Variants in GLS observed in about 807,000 individuals in gnomAD.
GLS encodes glutaminase kidney isoform, mitochondrial.
In GLS, 36 loss-of-function variants were observed where a neutral mutation model predicts 86.7. The observed-to-expected ratio is 0.42, with a 90% CI of 0.32 to 0.55. GLS has a LOEUF of 0.55. Among genes scored for constraint, GLS ranks in the 20% least tolerant of loss-of-function variants. The pLI, the probability that GLS is intolerant of heterozygous loss-of-function variation, is 0.17. For synonymous variants in GLS, 317 were observed against 305.9 expected (o/e 1.04, Z -0.38); for missense variants, 528 against 833.4 (o/e 0.63, Z 4.51).
intron 6 of GLS, among the ~76,000 whole-genome samples, chr2:190,908,102 C>T (rs529319733): frequency 4.1e-4 from 63 of 152,210 alleles, no homozygotes; most frequent in African/African-American, 1.4e-3. Context: ...TTCTTCGTAA[C>T]CATATATATC....
At position 190,909,639 on chromosome 2, in the gene GLS, T is replaced by G. The variant is rs187417482; in HGVS notation, c.980-624T>G. ...TTGAAATTCTTATTTATTGTAAGAA[T>G]TAGGAGAAGAAATAGGAGTTTGGAT... is the stretch of plus-strand genomic sequence containing the variant. On this transcript the variant is annotated intron_variant, in intron 6 of 17. Transcript: ENST00000320717. 3.3e-5 allele frequency among the ~76,000 whole-genome samples: 5 copies of G among 152,354 alleles called. No individual in the cohort carries two copies. In the East Asian group the frequency reaches 9.6e-4, roughly 29 times the overall value.
intron 4 of GLS, among the ~76,000 whole-genome samples, 185 bp downstream of exon 4, chr2:190,900,878 T>C (rs370526827): frequency 6.6e-6 from 1 of 152,190 alleles, no homozygotes; most frequent in African/African-American, 2.4e-5. Context: ...TTAACTTTGT[T>C]ATTCTGGTTA....
rs573305168 is a variant in GLS at position 190,962,015 on chromosome 2, T to C, written c.1854-815T>C. On this transcript the variant is annotated intron_variant, in intron 17 of 17. Transcript: ENST00000320717. This position sits in a 1 kb window ranked among gnomAD's most constrained non-coding sequence, Gnocchi z 4.2. ...AAGACAGGCTTCACAGTTTGTAAAG[T>C]GTAAGGGAACTACCCATCGTACCCT... is the stretch of plus-strand genomic sequence containing the variant. Among the ~76,000 whole-genome samples, 1 of 152,266 alleles carries C rather than the reference T, an allele frequency of 6.6e-6. No homozygotes were observed. The highest frequency in any genetic ancestry group is 2.4e-5 in the African/African-American group (1 of 41,548).
rs1156411841 is a variant in GLS at position 190,951,450 on chromosome 2, G to A, written c.1651-2115G>A. Among the ~76,000 whole-genome samples, 1 of 152,126 alleles carries A rather than the reference G, an allele frequency of 6.6e-6. No homozygotes were observed. Among genetic ancestry groups the A allele is most frequent in the African/African-American group, 2.4e-5 (1 of 41,424 alleles). On this transcript the variant is annotated intron_variant, in intron 14 of 17. Transcript: ENST00000320717. This position sits in a 1 kb window ranked among gnomAD's most constrained non-coding sequence, Gnocchi z 4.2. ...GTGTCTGTTTTAAGGTAAACTGAGA[G>A]AACCAATGAAAGAGGAAAAGTTAAA...
intron 14 of GLS, among the ~76,000 whole-genome samples, chr2:190,946,845 C>T (rs1690587351): frequency 6.6e-6 from 1 of 152,160 alleles, no homozygotes; most frequent in African/African-American, 2.4e-5. Context: ...CTATTAAGGA[C>T]TCACATCATC....
In GLS at chr2:190,943,359, A is replaced by G. The variant is rs1373944951; in HGVS notation, c.1651-10206A>G. ...GTGTGAGATTGCTTAAGGTGATAGT[A>G]TAAAGTGATAAGGAAAGTGTATCAA... On this transcript the variant is annotated intron_variant, in intron 14 of 17. Coordinates refer to ENST00000320717, the MANE Select transcript of GLS (RefSeq NM_014905.5). The surrounding 1 kb of genome is among the most constrained non-coding windows in gnomAD (Gnocchi z 4.5). Among the ~76,000 whole-genome samples the G allele has an allele frequency of 6.6e-6, 1 of 152,162 alleles. No individual in the cohort carries two copies. The highest frequency in any genetic ancestry group is 2.4e-5 in the African/African-American group (1 of 41,442).
Position 190,914,855 on chromosome 2 carries a change from A to G in GLS, c.1038+4534A>G, listed in dbSNP as rs2124879123. Among the ~76,000 whole-genome samples the G allele has an allele frequency of 6.6e-6, 1 of 152,290 alleles. No individual in the cohort carries two copies. The highest frequency in any genetic ancestry group is 1.5e-5 in the Non-Finnish European group (1 of 68,014). ...AAGTATAATACATGAATCAATTCAT[A>G]AATATGTTGTAAAAACTATAAAACA... is the stretch of plus-strand genomic sequence containing the variant. On this transcript the variant is annotated intron_variant, in intron 7 of 17. Coordinates refer to ENST00000320717, the MANE Select transcript of GLS (RefSeq NM_014905.5). The surrounding 1 kb of genome is among the most constrained non-coding windows in gnomAD (Gnocchi z 4.4).
rs776277087 is a variant in GLS, at chr2:190,920,983, G to C, written c.1039-41G>C. 3 of 1,075,994 alleles carry C rather than the reference G, an allele frequency of 2.8e-6. No individual in the cohort carries two copies. Among genetic ancestry groups the C allele is most frequent in the African/African-American group, 1.5e-5 (1 of 64,532 alleles). The allele number at this position is 1,075,994 out of a possible 1,614,324, so 66.7% of individuals were successfully genotyped here. Reference sequence around the variant, plus strand: ...ATTGGCTTGAAACTTAACTGTAGTGGTACCTATATTAACGTATTTATGTCT... The same window carrying C: ...ATTGGCTTGAAACTTAACTGTAGTGCTACCTATATTAACGTATTTATGTCT... On this transcript the variant is annotated intron_variant, in intron 7 of 17. Transcript: ENST00000320717. This position sits in a 1 kb window ranked among gnomAD's most constrained non-coding sequence, Gnocchi z 4.2.
intron 1 of GLS, among the ~76,000 whole-genome samples, chr2:190,888,597 A>G (rs1688464856): frequency 6.6e-6 from 1 of 152,178 alleles, no homozygotes; most frequent in Non-Finnish European, 1.5e-5. Flanking sequence ...TGGTAGCAAA[A>G]TAGCTGCAAA....
chr2:190,932,772 G>A (rs1574607311), intron 14 of GLS: 1 of 1,604,504 alleles, frequency 6.2e-7, no homozygotes, highest in Non-Finnish European at 8.5e-7. Context: ...CTTTAAAAGA[G>A]ACAGTATGGA....
intron 11 of GLS, among the ~76,000 whole-genome samples, chr2:190,926,728 A>G (rs1430360818): frequency 6.6e-6 from 1 of 152,176 alleles, no homozygotes; most frequent in Non-Finnish European, 1.5e-5. Flanking sequence ...AAAGGATAAC[A>G]TTTTGGTTTA....
intron 6 of GLS, among the ~76,000 whole-genome samples, chr2:190,906,579 CTCGATAT>C (rs1459096368): frequency 6.6e-6 from 1 of 152,018 alleles, no homozygotes; most frequent in Non-Finnish European, 1.5e-5. Context: ...GAGATTTTGC[CTCGATAT>C]TCATAGACGT....
At chr2:190,934,831 A>G (rs1183423508) in intron 14 of GLS, 1 of 972,490 alleles carries the variant, frequency 1.0e-6, no homozygotes, top group African/African-American at 1.8e-5. Context: ...AATGTTAAGA[A>G]TGAGCAGAAA....
rs1388369483 is a variant in GLS, at chr2:190,962,404, C to A, written c.1854-426C>A. On this transcript the variant is annotated intron_variant, in intron 17 of 17. Transcript: ENST00000320717. The surrounding 1 kb of genome is among the most constrained non-coding windows in gnomAD (Gnocchi z 4.2). ...TACTGTGGCTTTGAATTGACACAAACACTAATTTTCTGTCAAAGGCTAGAG... is the reference window on the plus strand; with the variant it reads ...TACTGTGGCTTTGAATTGACACAAAAACTAATTTTCTGTCAAAGGCTAGAG... 3.3e-5 allele frequency among the ~76,000 whole-genome samples: 5 copies of A among 152,196 alleles called. No homozygotes were observed. The highest frequency in any genetic ancestry group is 5.9e-5 in the Non-Finnish European group (4 of 68,030).
chr2:190,899,024 A>G (rs1303866821), intron 3 of GLS, among the ~76,000 whole-genome samples: 1 of 152,156 alleles, frequency 6.6e-6, no homozygotes, highest in South Asian at 2.1e-4. Flanking sequence ...TGCATTTATA[A>G]CTTCTTGAAA....
chr2:190,890,960 A>G (rs1329128854), intron 1 of GLS, among the ~76,000 whole-genome samples: 1 of 152,114 alleles, frequency 6.6e-6, no homozygotes, highest in Non-Finnish European at 1.5e-5. Context: ...ATGAAATGTT[A>G]TTTAACAAAA....
chr2:190,893,357 G>A (rs1688626520), intron 1 of GLS, among the ~76,000 whole-genome samples: 1 of 152,256 alleles, frequency 6.6e-6, no homozygotes, highest in Admixed American at 6.5e-5. Flanking sequence ...CTGAGCCTCT[G>A]TTTCCTAATC....
intron 6 of GLS, among the ~76,000 whole-genome samples, chr2:190,909,117 AAC>A (rs1689262358): frequency 6.6e-6 from 1 of 152,212 alleles, no homozygotes; most frequent in African/African-American, 2.4e-5. Flanking sequence ...AATCAGATAT[AAC>A]ACAAAGATTT....
chr2:190,963,860 A>T lies in GLS; in HGVS notation c.*874A>T, dbSNP rs1257614463. 1 of 152,230 alleles carries T rather than the reference A, an allele frequency of 6.6e-6. No individual in the cohort carries two copies. The highest frequency in any genetic ancestry group is 2.4e-5 in the African/African-American group (1 of 41,456). 9.4% of individuals were successfully genotyped at this position (152,230 alleles called of 1,614,324 possible). On this transcript the variant is annotated 3_prime_UTR_variant, in exon 18 of 18. Transcript: ENST00000320717. Reference sequence around the variant, plus strand: ...TAAGTATAAATTAGTCAAGTTTATCAGTCTAAAAAACGAAGGGATGTGCAA... The same window carrying T: ...TAAGTATAAATTAGTCAAGTTTATCTGTCTAAAAAACGAAGGGATGTGCAA...
Sources: allele counts gnomAD v4.1 joint callset (sites outside exome capture counted in the v4.1 genomes callset), GRCh38; gene constraint gnomAD v4.1.1; non-coding constraint Gnocchi (gnomAD v3.1); transcripts MANE v1.5; gene names NCBI Gene and HGNC (gene_info 2026-07-23, HGNC 2026-07-21).